Variants in KCNMB4 observed in about 807,000 individuals in gnomAD.
KCNMB4 encodes the protein potassium calcium-activated channel subfamily M regulatory beta subunit 4.
In KCNMB4, 3 loss-of-function variants were observed where a neutral mutation model predicts 20.7. That is an observed-to-expected ratio of 0.14 (90% CI 0.07 to 0.37). The LOEUF (loss-of-function observed/expected upper bound fraction) is 0.37, where lower values mean the gene tolerates loss of function less well. Among genes scored for constraint, KCNMB4 ranks in the 10% least tolerant of loss-of-function variants. The probability of loss-of-function intolerance (pLI) is 1.00; values close to 1 mark genes in which losing one functional copy is unlikely to be tolerated. For missense variants in KCNMB4, 168 were observed against 265.9 expected, an observed-to-expected ratio of 0.63 and a Z score of 2.56; for synonymous variants, 110 against 113.4, an observed-to-expected ratio of 0.97 and a Z score of 0.19.
At chr12:70,369,864 G>A (rs1883559852) in intron 1 of KCNMB4, among the ~76,000 whole-genome samples, 1 of 152,132 alleles carries the variant, frequency 6.6e-6, no homozygotes, top group South Asian at 2.1e-4. Flanking sequence ...AGTATTCAAG[G>A]CAACAAATTG....
intron 1 of KCNMB4, among the ~76,000 whole-genome samples, chr12:70,379,911 A>G (rs1008064109): frequency 4.6e-5 from 7 of 152,224 alleles, no homozygotes; most frequent in Non-Finnish European, 1.5e-5. Context: ...ACCTTTCTCC[A>G]TATCAGCAAT....
intron 1 of KCNMB4, among the ~76,000 whole-genome samples, chr12:70,392,354 G>A (rs1024284221): frequency 6.6e-6 from 1 of 152,146 alleles, no homozygotes; most frequent in Non-Finnish European, 1.5e-5. Context: ...TGGAGAAATA[G>A]GAATGCTTTT....
At chr12:70,424,655 C>A in intron 2 of KCNMB4, among the ~76,000 whole-genome samples, 1 of 151,600 alleles carries the variant, frequency 6.6e-6, no homozygotes, top group Non-Finnish European at 1.5e-5. Context: ...GAGGCTGAGG[C>A]AGGAGAATCG....
intron 2 of KCNMB4, among the ~76,000 whole-genome samples, chr12:70,418,307 T>G (rs1246804035): frequency 6.6e-6 from 1 of 152,154 alleles, no homozygotes; most frequent in Non-Finnish European, 1.5e-5. Context: ...TGTGATTATA[T>G]CTCTTTTCTG....
chr12:70,404,774 A>G (rs1232248057), intron 2 of KCNMB4, among the ~76,000 whole-genome samples: 1 of 152,248 alleles, frequency 6.6e-6, no homozygotes, highest in African/African-American at 2.4e-5. Flanking sequence ...TGAATTTGAG[A>G]GATTCTTAAA....
intron 2 of KCNMB4, among the ~76,000 whole-genome samples, chr12:70,401,700 G>C (rs1319406573): frequency 6.7e-6 from 1 of 148,986 alleles, no homozygotes; most frequent in African/African-American, 2.5e-5. Context: ...GATGATGGCT[G>C]AAATAGCTGC....
chr12:70,387,425 G>A (rs1210585456), intron 1 of KCNMB4, among the ~76,000 whole-genome samples: 3 of 133,578 alleles, frequency 2.2e-5, no homozygotes, highest in African/African-American at 8.2e-5. Context: ...TTTGTGAGAT[G>A]GAGTTTTGCT....
chr12:70,418,419 A>G (rs771929547), intron 2 of KCNMB4, among the ~76,000 whole-genome samples: 2 of 152,184 alleles, frequency 1.3e-5, no homozygotes, highest in Non-Finnish European at 2.9e-5. Flanking sequence ...AGCTTTTTAT[A>G]TGTGTGCAGT....
At chr12:70,396,535 A>C (rs1221642469) in intron 1 of KCNMB4, among the ~76,000 whole-genome samples, 4 of 152,088 alleles carry the variant, frequency 2.6e-5, no homozygotes, top group African/African-American at 9.7e-5. Context: ...CAAACTCCTG[A>C]CCTCAAGTGA....
chr12:70,393,187 TTTTATTTTATTTTA>T (rs1190029104), intron 1 of KCNMB4, among the ~76,000 whole-genome samples: 3 of 151,964 alleles, frequency 2.0e-5, no homozygotes, highest in Non-Finnish European at 2.9e-5. Context: ...GACTGTGTGT[TTTTATTTTATTTTA>T]TTTATTTTAT....
At chr12:70,417,051 C>A (rs1400828069) in intron 2 of KCNMB4, among the ~76,000 whole-genome samples, 1 of 151,964 alleles carries the variant, frequency 6.6e-6, no homozygotes, top group Non-Finnish European at 1.5e-5. Context: ...CCAGAGCTGC[C>A]AAAATAATGG....
At chr12:70,426,806 A>G (rs926169375) in intron 2 of KCNMB4, among the ~76,000 whole-genome samples, 2 of 152,236 alleles carry the variant, frequency 1.3e-5, no homozygotes, top group African/African-American at 4.8e-5. Flanking sequence ...GAAAGCACAT[A>G]ATAAATGCTG....
intron 1 of KCNMB4, among the ~76,000 whole-genome samples, chr12:70,372,637 C>T (rs557732223): frequency 6.6e-6 from 1 of 152,232 alleles, no homozygotes; most frequent in Admixed American, 6.5e-5. Context: ...AATAGTAGGT[C>T]TGGAGGAGTG....
At chr12:70,378,569 C>T (rs1016993676) in intron 1 of KCNMB4, among the ~76,000 whole-genome samples, 1 of 152,144 alleles carries the variant, frequency 6.6e-6, no homozygotes, top group Admixed American at 6.5e-5. Context: ...TGGAGTCTCG[C>T]TGTGCCACCC....
intron 2 of KCNMB4, among the ~76,000 whole-genome samples, chr12:70,416,068 C>G (rs1024843593): frequency 1.3e-5 from 2 of 152,226 alleles, no homozygotes; most frequent in African/African-American, 2.4e-5. Context: ...TTTTGACCAT[C>G]ATGGCTGTTT....
chr12:70,385,336 T>C lies in KCNMB4; in HGVS notation c.337-14873T>C, dbSNP rs894247226. On this transcript the variant is annotated intron_variant, in intron 1 of 2. Transcript: ENST00000258111. ...TGTTGTGGTGGGGTGCATTTACTCT[T>C]GGATTTGAGAGCATCTACCTCCTCA... 3.3e-5 allele frequency among the ~76,000 whole-genome samples: 5 copies of C among 152,344 alleles called. 2 individuals carry two copies. Among genetic ancestry groups the C allele is most frequent in the Admixed American group, 3.3e-4 (5 of 15,296 alleles).
intron 2 of KCNMB4, among the ~76,000 whole-genome samples, chr12:70,420,207 T>A (rs1055638361): frequency 3.3e-5 from 5 of 152,170 alleles, no homozygotes; most frequent in South Asian, 2.1e-4. Flanking sequence ...GGAGAGCGGT[T>A]TATGGTACTG....
At chr12:70,373,137 G>C (rs1398232619) in intron 1 of KCNMB4, among the ~76,000 whole-genome samples, 2 of 152,156 alleles carry the variant, frequency 1.3e-5, no homozygotes, top group Non-Finnish European at 2.9e-5. Flanking sequence ...GGGTTTGCTA[G>C]ATACTGGGAA....
At chr12:70,379,082 A>G (rs1163636118) in intron 1 of KCNMB4, among the ~76,000 whole-genome samples, 2 of 152,208 alleles carry the variant, frequency 1.3e-5, no homozygotes, top group Admixed American at 6.5e-5. Context: ...CTGTAAACTG[A>G]TGTGCTATCA....
Sources: allele counts gnomAD v4.1 joint callset (sites outside exome capture counted in the v4.1 genomes callset), GRCh38; gene constraint gnomAD v4.1.1; transcripts MANE v1.5; gene names NCBI Gene and HGNC (gene_info 2026-07-23, HGNC 2026-07-21).